The following DPYD variants were observed in gnomAD, a reference collection of about 807,000 sequenced individuals.
DPYD encodes dihydropyrimidine dehydrogenase.
DPYD carries 109 observed loss-of-function variants against 116.2 expected under a neutral mutation model. The observed-to-expected ratio is 0.94, with a 90% CI of 0.80 to 1.10. DPYD has a LOEUF of 1.10. Ranked by LOEUF, DPYD falls within the 50% of genes least tolerant of loss-of-function variation. The pLI is 0.00. For missense variants in DPYD, 1,302 were observed against 1,254.5 expected, an observed-to-expected ratio of 1.04 and a Z score of -0.57; for synonymous variants, 440 against 432.0, an observed-to-expected ratio of 1.02 and a Z score of -0.23.
At chr1:97,733,052 T>G (rs1571267295) in intron 4 of DPYD, among the ~76,000 whole-genome samples, 1 of 152,178 alleles carries the variant, frequency 6.6e-6, no homozygotes, top group African/African-American at 2.4e-5. Context: ...ACAAAGAAGA[T>G]TTGAAAATAG....
At chr1:97,344,253 A>T (rs546934421) in intron 16 of DPYD, among the ~76,000 whole-genome samples, 17 of 151,966 alleles carry the variant, frequency 1.1e-4, no homozygotes, top group Non-Finnish European at 1.9e-4. Flanking sequence ...GGAATTCTAG[A>T]AGTAGGGCAG....
intron 4 of DPYD, among the ~76,000 whole-genome samples, chr1:97,722,159 G>T (rs1662961225): frequency 6.6e-6 from 1 of 151,470 alleles, no homozygotes; most frequent in Admixed American, 6.6e-5. Context: ...TCTGAAAAAA[G>T]AATGAATAAT....
At chr1:97,667,826 T>C (rs770060674) in intron 8 of DPYD, among the ~76,000 whole-genome samples, 2 of 152,132 alleles carry the variant, frequency 1.3e-5, no homozygotes, top group Non-Finnish European at 2.9e-5. Flanking sequence ...TGTCCATTGA[T>C]TGATTAATGT....
chr1:97,914,199 C>G (rs1370666971), intron 1 of DPYD, among the ~76,000 whole-genome samples: 2 of 152,122 alleles, frequency 1.3e-5, no homozygotes, highest in Non-Finnish European at 2.9e-5. Flanking sequence ...TATGAGTCAT[C>G]TCTCAGTAAG....
intron 4 of DPYD, among the ~76,000 whole-genome samples, chr1:97,740,004 T>C (rs962401053): frequency 6.6e-6 from 1 of 152,096 alleles, no homozygotes; most frequent in Non-Finnish European, 1.5e-5. Flanking sequence ...CCTTGATATA[T>C]CTATGTGCTA....
At chr1:97,693,745 G>C (rs1661153908) in intron 6 of DPYD, among the ~76,000 whole-genome samples, 1 of 152,120 alleles carries the variant, frequency 6.6e-6, no homozygotes, top group South Asian at 2.1e-4. Context: ...ACTACAACAA[G>C]ATGAGAATCT....
chr1:97,913,847 G>C (rs954838075), intron 1 of DPYD, among the ~76,000 whole-genome samples: 5 of 151,908 alleles, frequency 3.3e-5, no homozygotes, highest in East Asian at 3.9e-4. Flanking sequence ...ATAAAACATG[G>C]GGGGGAGGAG....
chr1:97,774,556 G>C (rs887569899), intron 3 of DPYD: 8 of 152,296 alleles, frequency 5.3e-5, no homozygotes, highest in African/African-American at 1.7e-4. Context: ...AGGCAAGTAT[G>C]GCTCTGGGTA....
chr1:97,516,312 C>T (rs752466573), intron 12 of DPYD, among the ~76,000 whole-genome samples: 11 of 151,956 alleles, frequency 7.2e-5, no homozygotes, highest in Admixed American at 1.3e-4. Flanking sequence ...ATATGGGCAA[C>T]GGCAAGTCAG....
intron 13 of DPYD, among the ~76,000 whole-genome samples, chr1:97,464,237 T>TTAAAA (rs1677178671): frequency 1.1e-5 from 1 of 90,354 alleles, no homozygotes; most frequent in Non-Finnish European, 2.3e-5. Flanking sequence ...AGACTCTGTC[T>TTAAAA]CAAAATAAAA....
intron 4 of DPYD, among the ~76,000 whole-genome samples, chr1:97,732,277 C>A (rs1354376892): frequency 2.0e-5 from 3 of 151,944 alleles, no homozygotes; most frequent in Middle Eastern, 3.2e-3. Flanking sequence ...GAGATGGAGA[C>A]CATCCTAGCT....
chr1:97,687,850 T>C (rs1206884620), intron 7 of DPYD, among the ~76,000 whole-genome samples: 1 of 152,152 alleles, frequency 6.6e-6, no homozygotes, highest in East Asian at 1.9e-4. Context: ...CTGGAAGCCA[T>C]TATCCTCAGA....
chr1:97,184,692 T>C (rs1657878858), intron 20 of DPYD, among the ~76,000 whole-genome samples: 1 of 152,182 alleles, frequency 6.6e-6, no homozygotes, highest in African/African-American at 2.4e-5. Flanking sequence ...ATTGTTCCAA[T>C]TGTTCATGTA....
At chr1:97,517,064 T>G (rs1648283911) in intron 12 of DPYD, among the ~76,000 whole-genome samples, 1 of 152,078 alleles carries the variant, frequency 6.6e-6, no homozygotes, top group Non-Finnish European at 1.5e-5. Context: ...AGAAATTATT[T>G]CTGGCCCTCC....
Position 97,422,027 on chromosome 1 carries a change from C to T in DPYD, c.1905+28032G>A, listed in dbSNP as rs76988324. ...CCCCTGAAATTGTTGTTTATTCCTACACCTTGTGTTTTACCTCAGGAAAGC... is the reference window on the plus strand; with the variant it reads ...CCCCTGAAATTGTTGTTTATTCCTATACCTTGTGTTTTACCTCAGGAAAGC... On this transcript the variant is annotated intron_variant, in intron 14 of 22. Transcript: ENST00000370192. Among the ~76,000 whole-genome samples, 821 of 152,200 alleles carry T rather than the reference C, an allele frequency of 5.4e-3. 6 individuals carry two copies. Among genetic ancestry groups the T allele is most frequent in the African/African-American group, 0.019 (786 of 41,502 alleles).
At chr1:97,468,605 C>T (rs1329287381) in intron 13 of DPYD, among the ~76,000 whole-genome samples, 1 of 152,216 alleles carries the variant, frequency 6.6e-6, no homozygotes, top group African/African-American at 2.4e-5. Context: ...CCATCTATGA[C>T]ATTTTGTTAT....
At chr1:97,300,884 G>A (rs2101021039) in intron 18 of DPYD, among the ~76,000 whole-genome samples, 1 of 152,172 alleles carries the variant, frequency 6.6e-6, no homozygotes, top group East Asian at 1.9e-4. Flanking sequence ...ATTTGTGCAA[G>A]TTTTCTAAAT....
intron 18 of DPYD, among the ~76,000 whole-genome samples, chr1:97,264,162 G>GTTTTTTTT (rs71071641): frequency 1.0e-4 from 6 of 60,088 alleles, no homozygotes; most frequent in Non-Finnish European, 1.4e-4. Flanking sequence ...GCAAAATTCT[G>GTTTTTTTT]TTTTTTTTTT....
At chr1:97,150,514 G>C (rs1181222809) in intron 20 of DPYD, among the ~76,000 whole-genome samples, 8 of 152,222 alleles carry the variant, frequency 5.3e-5, no homozygotes, top group South Asian at 4.2e-4. Flanking sequence ...AATTTGCTTG[G>C]GCAACCAGAA....
Sources: allele counts gnomAD v4.1 joint callset (sites outside exome capture counted in the v4.1 genomes callset), GRCh38; gene constraint gnomAD v4.1.1; transcripts MANE v1.5; gene names NCBI Gene and HGNC (gene_info 2026-07-23, HGNC 2026-07-21).